TENM2: variants seen among roughly 807,000 people sequenced by gnomAD.
TENM2 encodes teneurin-2.
TENM2 carries 52 observed loss-of-function variants against 245.2 expected under a neutral mutation model. The observed-to-expected ratio is 0.21, with a 90% CI of 0.17 to 0.27. The LOEUF is 0.27. Ranked by LOEUF, TENM2 falls within the 10% of genes least tolerant of loss-of-function variation. The pLI, the probability that TENM2 is intolerant of heterozygous loss-of-function variation, is 1.00. For synonymous variants in TENM2, 1,363 were observed against 1,438.9 expected, an observed-to-expected ratio of 0.95 and a Z score of 1.19; for missense variants, 3,046 against 3,666.8, an observed-to-expected ratio of 0.83 and a Z score of 4.37.
chr5:167,061,191 AAGT>A, the TENM2 span, among the ~76,000 whole-genome samples: 1 of 152,052 alleles, frequency 6.6e-6, no homozygotes, highest in East Asian at 1.9e-4. Context: ...TTGGAAGAGA[AAGT>A]AGTCTTTATC....
chr5:168,188,441 G>A (rs922941117), intron 13 of TENM2, among the ~76,000 whole-genome samples: 13 of 152,280 alleles, frequency 8.5e-5, no homozygotes, highest in Middle Eastern at 3.4e-3. Context: ...TAACGAATTC[G>A]TTCTTATCAG....
intron 19 of TENM2, among the ~76,000 whole-genome samples, chr5:168,209,214 GA>G (rs1206544867): frequency 6.6e-6 from 1 of 152,170 alleles, no homozygotes; most frequent in Non-Finnish European, 1.5e-5. Context: ...TAAAATTGGG[GA>G]AAATCTTTAT....
At chr5:167,345,094 C>A (rs1758376827) in intron 1 of TENM2, among the ~76,000 whole-genome samples, 1 of 152,178 alleles carries the variant, frequency 6.6e-6, no homozygotes, top group African/African-American at 2.4e-5. Context: ...CCCTTACTCT[C>A]CACATTTGCC....
At chr5:168,096,083 A>G (rs533205128) in intron 8 of TENM2, among the ~76,000 whole-genome samples, 1 of 152,224 alleles carries the variant, frequency 6.6e-6, no homozygotes, top group East Asian at 1.9e-4. Context: ...TGTCTTTACT[A>G]TACTGGGTAA....
At chr5:167,210,451 ATT>A in the TENM2 span, among the ~76,000 whole-genome samples, 135 of 101,198 alleles carry the variant, frequency 1.3e-3, no homozygotes, top group East Asian at 4.1e-3. Flanking sequence ...TTTTCACTGC[ATT>A]TTTTTTTTTT....
intron 1 of TENM2, among the ~76,000 whole-genome samples, chr5:167,371,467 C>T (rs1414174413): frequency 1.3e-5 from 2 of 151,086 alleles, no homozygotes; most frequent in African/African-American, 2.4e-5. Context: ...GTTCAAGCGA[C>T]TCTCCTGCCT....
intron 9 of TENM2, among the ~76,000 whole-genome samples, chr5:168,099,573 C>T (rs1004650710): frequency 3.3e-5 from 5 of 152,096 alleles, no homozygotes; most frequent in Admixed American, 1.3e-4. Context: ...CTAATCTTCC[C>T]GTTATTTTCA....
chr5:167,269,115 C>G, the TENM2 span, among the ~76,000 whole-genome samples: 141 of 151,966 alleles, frequency 9.3e-4, 1 homozygote, highest in South Asian at 0.024. Flanking sequence ...TTTGACAAAG[C>G]AGGAAGAAAA....
chr5:167,012,848 TTGTG>T, the TENM2 span, among the ~76,000 whole-genome samples: 24 of 148,498 alleles, frequency 1.6e-4, 1 homozygote, highest in South Asian at 4.1e-3. Flanking sequence ...GTGTGTGTGT[TTGTG>T]TGTGTGTGTA....
intron 2 of TENM2, among the ~76,000 whole-genome samples, chr5:167,537,451 ATTATTGT>A (rs1222420468): frequency 6.6e-6 from 1 of 152,230 alleles, no homozygotes; most frequent in Non-Finnish European, 1.5e-5. Context: ...ATCATTTCAA[ATTATTGT>A]GTAAACTCTT....
chr5:167,934,621 G>C (rs1396569022), intron 3 of TENM2, among the ~76,000 whole-genome samples: 1 of 152,230 alleles, frequency 6.6e-6, no homozygotes, highest in African/African-American at 2.4e-5. Context: ...AGTTTGGCTG[G>C]AGCAATGAGA....
intron 2 of TENM2, among the ~76,000 whole-genome samples, chr5:167,758,892 T>TA (rs1384322934): frequency 6.6e-6 from 1 of 152,048 alleles, no homozygotes; most frequent in Non-Finnish European, 1.5e-5. Context: ...CAGCTAAAGC[T>TA]AAAACTATAG....
chr5:167,240,652 T>G, the TENM2 span, among the ~76,000 whole-genome samples: 1 of 152,180 alleles, frequency 6.6e-6, no homozygotes, highest in African/African-American at 2.4e-5. Context: ...CACGTTTTGG[T>G]TTTTCTGTCC....
chr5:167,534,405 A>C (rs1342253693), intron 2 of TENM2, among the ~76,000 whole-genome samples: 1 of 152,220 alleles, frequency 6.6e-6, no homozygotes, highest in Non-Finnish European at 1.5e-5. Context: ...GCCCTGTGCA[A>C]ATTGCCTTTG....
At chr5:167,245,508 C>CTT in the TENM2 span, among the ~76,000 whole-genome samples, 97 of 145,782 alleles carry the variant, frequency 6.7e-4, no homozygotes, top group Middle Eastern at 3.5e-3. Context: ...CCAGCCTTTT[C>CTT]TTTTTCTTTT....
chr5:167,019,151 T>A, the TENM2 span, among the ~76,000 whole-genome samples: 4 of 149,694 alleles, frequency 2.7e-5, no homozygotes, highest in Non-Finnish European at 5.9e-5. Flanking sequence ...AATTTTTTTT[T>A]AATCCATCCA....
At chr5:168,064,892 G>A (rs533372977) in intron 7 of TENM2, among the ~76,000 whole-genome samples, 2 of 152,298 alleles carry the variant, frequency 1.3e-5, no homozygotes, top group East Asian at 1.9e-4. Flanking sequence ...AAAAGACTCC[G>A]TATGTATTCT....
chr5:167,918,790 TG>T (rs1168873270), intron 3 of TENM2, among the ~76,000 whole-genome samples: 25 of 151,358 alleles, frequency 1.7e-4, no homozygotes, highest in Non-Finnish European at 2.7e-4. Context: ...TTTTTTTTTT[TG>T]TAGCCTGTAG....
the TENM2 span, among the ~76,000 whole-genome samples, chr5:167,011,237 T>C: frequency 2.6e-5 from 4 of 152,198 alleles, no homozygotes; most frequent in Non-Finnish European, 5.9e-5. Context: ...CAAGAGCCAT[T>C]GTAACTGGAA....
Sources: gnomAD v4.1 joint callset for allele counts (sites outside exome capture counted in the v4.1 genomes callset) on GRCh38, gnomAD v4.1.1 for gene constraint, MANE v1.5 for transcripts, NCBI Gene and HGNC (gene_info 2026-07-23, HGNC 2026-07-21) for gene names.